PTPRG: variants seen among roughly 807,000 people sequenced by gnomAD.
PTPRG encodes receptor-type tyrosine-protein phosphatase gamma.
PTPRG carries 102 observed loss-of-function variants against 165.3 expected under a neutral mutation model. The observed-to-expected ratio is 0.62, with a 90% CI of 0.53 to 0.73. The LOEUF (loss-of-function observed/expected upper bound fraction) is 0.73, where lower values mean the gene tolerates loss of function less well. Among genes scored for constraint, PTPRG ranks in the 30% least tolerant of loss-of-function variants. PTPRG has a pLI of 0.00. For synonymous variants in PTPRG, 675 were observed against 669.5 expected (o/e 1.01, Z -0.13); for missense variants, 1,866 against 1,861.4 (o/e 1.00, Z -0.05).
intron 1 of PTPRG, among the ~76,000 whole-genome samples, chr3:61,743,858 T>TA (rs1389803718): frequency 1.3e-5 from 2 of 152,374 alleles, no homozygotes; most frequent in East Asian, 3.9e-4. Flanking sequence ...GCTCCATTTT[T>TA]AATTGTGTAA....
chr3:62,052,550 C>G (rs1461352186), intron 4 of PTPRG, among the ~76,000 whole-genome samples: 1 of 152,160 alleles, frequency 6.6e-6, no homozygotes, highest in Non-Finnish European at 1.5e-5. Flanking sequence ...TAAAATGTAA[C>G]CAGGCATGGT....
At chr3:62,099,515 T>G (rs1030009684) in intron 5 of PTPRG, among the ~76,000 whole-genome samples, 5 of 152,076 alleles carry the variant, frequency 3.3e-5, no homozygotes, top group Admixed American at 6.5e-5. Context: ...ATCCTGAAGT[T>G]GGAATTATAT....
intron 4 of PTPRG, among the ~76,000 whole-genome samples, chr3:62,035,755 A>C (rs930415173): frequency 2.0e-5 from 3 of 152,170 alleles, no homozygotes; most frequent in Non-Finnish European, 4.4e-5. Context: ...CTAATGGAGG[A>C]GCTGTAGCTT....
chr3:61,927,050 A>G (rs918679434), intron 2 of PTPRG, among the ~76,000 whole-genome samples: 2 of 152,218 alleles, frequency 1.3e-5, no homozygotes, highest in Admixed American at 6.5e-5. Context: ...ATGAGTACAT[A>G]TGACTGTCAA....
chr3:62,203,161 G>A lies in PTPRG; in HGVS notation c.1378-12G>A. The stretch of plus-strand genomic sequence containing the variant: ...TGCCTCTTTTCCACCCTTGCCGGGT[G>A]ACCCTTTCCAGCCCACAGCGTCTCC... On this transcript the variant is annotated splice_polypyrimidine_tract_variant and intron_variant, in intron 11 of 29. Transcript: ENST00000474889. This position sits in a 1 kb window ranked among gnomAD's most constrained non-coding sequence, Gnocchi z 6.4. The A allele has an allele frequency of 6.4e-7, 1 of 1,560,084 alleles. No homozygotes were observed. The highest frequency in any genetic ancestry group is 8.7e-7 in the Non-Finnish European group (1 of 1,150,632).
intron 4 of PTPRG, among the ~76,000 whole-genome samples, chr3:62,058,921 T>G (rs1459320300): frequency 6.6e-6 from 1 of 152,156 alleles, no homozygotes; most frequent in Non-Finnish European, 1.5e-5. Context: ...TCCCTTTGCT[T>G]ATGAGCAATT....
intron 2 of PTPRG, among the ~76,000 whole-genome samples, chr3:61,903,289 G>C (rs1414134518): frequency 6.6e-6 from 1 of 152,170 alleles, no homozygotes; most frequent in Non-Finnish European, 1.5e-5. Context: ...CAGGCTTTCT[G>C]CATGACACTG....
chr3:61,898,066 G>A (rs2038408166), intron 2 of PTPRG, among the ~76,000 whole-genome samples: 1 of 151,986 alleles, frequency 6.6e-6, no homozygotes, highest in Non-Finnish European at 1.5e-5. Flanking sequence ...TATTTTAGTG[G>A]CTAGAACTTT....
At chr3:62,119,005 C>T (rs964127894) in intron 5 of PTPRG, among the ~76,000 whole-genome samples, 2 of 152,196 alleles carry the variant, frequency 1.3e-5, no homozygotes, top group African/African-American at 4.8e-5. Flanking sequence ...ATCTTGTTAG[C>T]ACCAGCTCTG....
chr3:62,004,110 G>A (rs1302625417), intron 4 of PTPRG, among the ~76,000 whole-genome samples: 1 of 152,194 alleles, frequency 6.6e-6, no homozygotes, highest in African/African-American at 2.4e-5. Flanking sequence ...GCCAGGGTGA[G>A]GGCGGGAGCA....
intron 5 of PTPRG, among the ~76,000 whole-genome samples, chr3:62,111,169 C>T (rs187693166): frequency 2.6e-5 from 4 of 152,230 alleles, no homozygotes; most frequent in Non-Finnish European, 5.9e-5. Context: ...TTGAGTGGAA[C>T]TGTGTCCCCT....
chr3:61,781,064 G>A (rs1354595102), intron 2 of PTPRG, among the ~76,000 whole-genome samples: 1 of 152,210 alleles, frequency 6.6e-6, no homozygotes, highest in Non-Finnish European at 1.5e-5. Context: ...TGACTTGAGA[G>A]TATCTGCCAA....
chr3:61,586,353 G>T (rs1025433162), intron 1 of PTPRG, among the ~76,000 whole-genome samples: 1 of 152,312 alleles, frequency 6.6e-6, no homozygotes, highest in East Asian at 1.9e-4. Context: ...GACCCAATTA[G>T]CAGGTCATTT....
At chr3:61,597,986 G>A (rs990444181) in intron 1 of PTPRG, among the ~76,000 whole-genome samples, 6 of 152,094 alleles carry the variant, frequency 3.9e-5, no homozygotes, top group African/African-American at 1.4e-4. Flanking sequence ...ACCAAGATAC[G>A]GCTTTGAAAC....
At chr3:61,565,743 T>A (rs1397211461) in intron 1 of PTPRG, among the ~76,000 whole-genome samples, 1 of 151,004 alleles carries the variant, frequency 6.6e-6, no homozygotes, top group Non-Finnish European at 1.5e-5. Flanking sequence ...CTCAGCTGTG[T>A]ACCTTGGATG....
At chr3:62,058,685 C>G (rs1357350196) in intron 4 of PTPRG, among the ~76,000 whole-genome samples, 2 of 152,120 alleles carry the variant, frequency 1.3e-5, no homozygotes, top group Non-Finnish European at 2.9e-5. Context: ...CTGTTGTTAG[C>G]ATGACCCAAG....
In PTPRG at chr3:62,130,958, A is replaced by C. The variant is rs1035675365; in HGVS notation, c.616-1644A>C. The stretch of plus-strand genomic sequence containing the variant: ...CACTGATTTTTTTTTTTTATCTGTA[A>C]TGTTTACAATGTAGTAGCAAATTCC... On this transcript the variant is annotated intron_variant, in intron 5 of 29. Coordinates refer to ENST00000474889, the MANE Select transcript of PTPRG (RefSeq NM_002841.4). Among the ~76,000 whole-genome samples the C allele has an allele frequency of 2.0e-5, 3 of 151,674 alleles. No individual in the cohort carries two copies. In the South Asian group the frequency reaches 6.2e-4, roughly 32 times the overall value.
At chr3:61,937,212 C>T (rs1471081999) in intron 2 of PTPRG, among the ~76,000 whole-genome samples, 2 of 152,202 alleles carry the variant, frequency 1.3e-5, no homozygotes, top group Non-Finnish European at 2.9e-5. Flanking sequence ...AGATTGCTTT[C>T]TGGAGAGTCA....
At chr3:62,053,092 C>T (rs1700515236) in intron 4 of PTPRG, among the ~76,000 whole-genome samples, 1 of 152,044 alleles carries the variant, frequency 6.6e-6, no homozygotes, top group Admixed American at 6.5e-5. Flanking sequence ...AGTGTGCATT[C>T]CTCTGGCTTT....
Sources: gnomAD v4.1 joint callset for allele counts (sites outside exome capture counted in the v4.1 genomes callset) on GRCh38, gnomAD v4.1.1 for gene constraint, Gnocchi (gnomAD v3.1) non-coding constraint, MANE v1.5 for transcripts, NCBI Gene and HGNC (gene_info 2026-07-23, HGNC 2026-07-21) for gene names.